Variants in TRERF1 observed in about 807,000 individuals in gnomAD.
TRERF1 encodes the protein transcriptional-regulating factor 1.
Under a neutral mutation model 122.9 loss-of-function variants are expected in TRERF1, and 27 were observed. The observed-to-expected ratio is 0.22, with a 90% CI of 0.16 to 0.30. TRERF1 has a LOEUF of 0.30. TRERF1 is among the 10% of genes least tolerant of loss of function. The pLI, the probability that TRERF1 is intolerant of heterozygous loss-of-function variation, is 1.00. For synonymous variants in TRERF1, 636 were observed against 641.7 expected, an observed-to-expected ratio of 0.99 and a Z score of 0.13; for missense variants, 1,248 against 1,560.3, an observed-to-expected ratio of 0.80 and a Z score of 3.37.
intron 4 of TRERF1, among the ~76,000 whole-genome samples, chr6:42,283,885 G>A (rs962747629): frequency 6.6e-6 from 1 of 151,914 alleles, no homozygotes; most frequent in Non-Finnish European, 1.5e-5. Context: ...CAAAGTGCTG[G>A]GATTACAGGT....
At chr6:42,333,807 C>A (rs1388151559) in intron 3 of TRERF1, among the ~76,000 whole-genome samples, 1 of 152,214 alleles carries the variant, frequency 6.6e-6, no homozygotes, top group Non-Finnish European at 1.5e-5. Context: ...CCCACAGACT[C>A]CACCAACGGA....
chr6:42,247,109 C>A (rs1021693975), intron 13 of TRERF1, among the ~76,000 whole-genome samples: 1 of 152,134 alleles, frequency 6.6e-6, no homozygotes, highest in Non-Finnish European at 1.5e-5. Context: ...AGGAGAAACA[C>A]CACACTCAGG....
At chr6:42,359,628 G>A (rs1196901212) in intron 3 of TRERF1, among the ~76,000 whole-genome samples, 2 of 152,190 alleles carry the variant, frequency 1.3e-5, no homozygotes, top group Non-Finnish European at 2.9e-5. Context: ...GGAGGCTCAG[G>A]CAGGAGAATC....
chr6:42,304,274 G>A lies in TRERF1; in HGVS notation c.-370-3525C>T, dbSNP rs7774308. On this transcript the variant is annotated intron_variant, in intron 3 of 17. Transcript: ENST00000372922. ...ATTTCATGCATAGCATGTGAGCTCT[G>A]GAGCTAAGGAGACCTAGGCTCTGCC... is the stretch of plus-strand genomic sequence containing the variant. 6.4e-3 allele frequency among the ~76,000 whole-genome samples: 978 copies of A among 152,340 alleles called. 5 individuals are homozygous for A. The highest frequency in any genetic ancestry group is 0.013 in the Admixed American group (204 of 15,306).
intron 2 of TRERF1, among the ~76,000 whole-genome samples, chr6:42,447,294 T>G (rs150790078): frequency 1.3e-5 from 2 of 152,214 alleles, no homozygotes; most frequent in Non-Finnish European, 2.9e-5. Context: ...CTTTTTGTTG[T>G]GTGTTTTCTT....
intron 8 of TRERF1, among the ~76,000 whole-genome samples, chr6:42,262,204 A>T (rs918086786): frequency 1.3e-5 from 2 of 152,046 alleles, no homozygotes; most frequent in African/African-American, 4.8e-5. Context: ...GTTCTCCATC[A>T]GTTTCTCTTC....
chr6:42,413,877 C>T (rs997377406), intron 2 of TRERF1, among the ~76,000 whole-genome samples: 41 of 152,056 alleles, frequency 2.7e-4, no homozygotes, highest in African/African-American at 9.2e-4. Flanking sequence ...ATACAAGTAA[C>T]AAGAATGTGA....
rs983472098 is a variant in TRERF1 at position 42,275,654 on chromosome 6, C to G, written c.-258-5806G>C. Reference sequence around the variant, plus strand: ...AAAGGAGACCTAGAGTGGCTTGTTCCCCTCTGCAGGTCCCATGCCTCTGAC... The same window carrying G: ...AAAGGAGACCTAGAGTGGCTTGTTCGCCTCTGCAGGTCCCATGCCTCTGAC... On this transcript the variant is annotated intron_variant, in intron 4 of 17. Transcript: ENST00000372922. This position sits in a 1 kb window ranked among gnomAD's most constrained non-coding sequence, Gnocchi z 4.1. Among the ~76,000 whole-genome samples the G allele has an allele frequency of 2.6e-5, 4 of 152,240 alleles. No individual in the cohort carries two copies. The highest frequency in any genetic ancestry group is 1.3e-4 in the Admixed American group (2 of 15,286).
chr6:42,248,805 A>G (rs1582548929), intron 13 of TRERF1, among the ~76,000 whole-genome samples: 2 of 152,270 alleles, frequency 1.3e-5, no homozygotes, highest in African/African-American at 4.8e-5. Flanking sequence ...GGTTTGGAGA[A>G]TACTTGCCGG....
intron 4 of TRERF1, among the ~76,000 whole-genome samples, chr6:42,284,892 T>TG (rs1454622371): frequency 6.6e-6 from 1 of 152,210 alleles, no homozygotes; most frequent in Non-Finnish European, 1.5e-5. Context: ...GGCAGAGCGC[T>TG]GGGGTCCCTG....
chr6:42,350,616 G>A (rs1352467242), intron 3 of TRERF1, among the ~76,000 whole-genome samples: 1 of 152,130 alleles, frequency 6.6e-6, no homozygotes, highest in Non-Finnish European at 1.5e-5. Context: ...TTGATGACGA[G>A]TTTAAACCCC....
intron 2 of TRERF1, among the ~76,000 whole-genome samples, chr6:42,417,570 TA>T (rs1244188784): frequency 2.6e-5 from 4 of 151,530 alleles, no homozygotes; most frequent in African/African-American, 9.7e-5. Flanking sequence ...GGTCCAAGGG[TA>T]TAAAGAGGAG....
intron 4 of TRERF1, among the ~76,000 whole-genome samples, chr6:42,272,241 C>A (rs1237799686): frequency 2.6e-5 from 4 of 152,108 alleles, no homozygotes; most frequent in Non-Finnish European, 5.9e-5. Context: ...ACCCTTCTAC[C>A]TGGGAGTGAG....
At chr6:42,362,092 C>T (rs1663209988) in intron 3 of TRERF1, among the ~76,000 whole-genome samples, 1 of 152,078 alleles carries the variant, frequency 6.6e-6, no homozygotes, top group Non-Finnish European at 1.5e-5. Context: ...TTCAGCATCC[C>T]TTCTTGGCTT....
At chr6:42,353,904 G>A (rs1769992854) in intron 3 of TRERF1, among the ~76,000 whole-genome samples, 1 of 152,190 alleles carries the variant, frequency 6.6e-6, no homozygotes, top group Admixed American at 6.5e-5. Context: ...AATCGTGATG[G>A]TAGTTCTGGA....
intron 2 of TRERF1, among the ~76,000 whole-genome samples, chr6:42,366,190 A>G (rs1378271361): frequency 1.3e-5 from 2 of 152,108 alleles, no homozygotes; most frequent in Admixed American, 1.3e-4. Flanking sequence ...CACTGCATCT[A>G]GCTTCTCTGG....
intron 2 of TRERF1, among the ~76,000 whole-genome samples, chr6:42,407,104 C>G (rs931842459): frequency 6.6e-6 from 1 of 152,180 alleles, no homozygotes; most frequent in African/African-American, 2.4e-5. Context: ...CCAAAGTGTC[C>G]TAAACACACC....
chr6:42,421,863 C>T (rs1255056364), intron 2 of TRERF1, among the ~76,000 whole-genome samples: 1 of 151,758 alleles, frequency 6.6e-6, no homozygotes, highest in Non-Finnish European at 1.5e-5. Flanking sequence ...AAATAGATTG[C>T]AAATCACAGT....
chr6:42,388,047 A>T (rs926587353), intron 2 of TRERF1, among the ~76,000 whole-genome samples: 5 of 152,112 alleles, frequency 3.3e-5, no homozygotes, highest in Non-Finnish European at 7.4e-5. Flanking sequence ...TCCACCTCCC[A>T]AAGTGCTGGG....
Sources: allele counts gnomAD v4.1 joint callset (sites outside exome capture counted in the v4.1 genomes callset), GRCh38; gene constraint gnomAD v4.1.1; non-coding constraint Gnocchi (gnomAD v3.1); transcripts MANE v1.5; gene names NCBI Gene and HGNC (gene_info 2026-07-23, HGNC 2026-07-21).